The following CDH20 variants were observed in gnomAD, a reference collection of about 807,000 sequenced individuals.
The protein encoded by CDH20 is cadherin-20.
Under a neutral mutation model 74.2 loss-of-function variants are expected in CDH20, and 29 were observed. That is an observed-to-expected ratio of 0.39 (90% CI 0.29 to 0.53). The LOEUF (loss-of-function observed/expected upper bound fraction) is 0.53, where lower values mean the gene tolerates loss of function less well. Among genes scored for constraint, CDH20 ranks in the 20% least tolerant of loss-of-function variants. The pLI, the probability that CDH20 is intolerant of heterozygous loss-of-function variation, is 0.69. For missense variants in CDH20, 988 were observed against 1,048.3 expected (o/e 0.94, Z 0.79); for synonymous variants, 469 against 405.4 (o/e 1.16, Z -1.88).
At chr18:61,333,899 G>C (rs1043350386) in intron 1 of CDH20, 72 bp downstream of exon 1, 1 of 152,276 alleles carries the variant, frequency 6.6e-6, no homozygotes, top group Non-Finnish European at 1.5e-5. Context: ...CCAGCCCTCT[G>C]GGGCGAAATC....
chr18:61,424,293 T>C (rs1234572337), intron 1 of CDH20, among the ~76,000 whole-genome samples: 1 of 152,242 alleles, frequency 6.6e-6, no homozygotes, highest in African/African-American at 2.4e-5. Context: ...ACAGTGAGCA[T>C]TTCACCAGCA....
chr18:61,479,088 T>C (rs989059049), intron 1 of CDH20, among the ~76,000 whole-genome samples: 10 of 152,106 alleles, frequency 6.6e-5, no homozygotes, highest in African/African-American at 2.2e-4. Context: ...TAAAATATCT[T>C]CACTACATCT....
At chr18:61,495,814 A>G (rs1244680948) in intron 2 of CDH20, among the ~76,000 whole-genome samples, 4 of 152,018 alleles carry the variant, frequency 2.6e-5, no homozygotes, top group Non-Finnish European at 5.9e-5. Flanking sequence ...CCTCCACTCC[A>G]AATTCTCCCT....
intron 1 of CDH20, among the ~76,000 whole-genome samples, chr18:61,423,577 T>C (rs1912965851): frequency 1.3e-5 from 2 of 152,108 alleles, no homozygotes; most frequent in African/African-American, 2.4e-5. Flanking sequence ...GAAATTTCTT[T>C]TTTTTTTCTT....
At chr18:61,529,293 C>T (rs1306809806) in intron 7 of CDH20, among the ~76,000 whole-genome samples, 3 of 152,198 alleles carry the variant, frequency 2.0e-5, no homozygotes, top group Non-Finnish European at 4.4e-5. Flanking sequence ...AATGCCTTTT[C>T]CGTCAGCTGG....
chr18:61,406,596 A>G (rs1322756175), intron 1 of CDH20, among the ~76,000 whole-genome samples: 3 of 152,228 alleles, frequency 2.0e-5, no homozygotes, highest in African/African-American at 7.2e-5. Context: ...TGCAAGATAG[A>G]AACAGGATAA....
intron 1 of CDH20, among the ~76,000 whole-genome samples, chr18:61,444,102 G>A (rs563322471): frequency 5.3e-5 from 8 of 152,172 alleles, no homozygotes; most frequent in African/African-American, 1.9e-4. Context: ...TGCATGTCTT[G>A]TACATTCTTA....
intron 6 of CDH20, among the ~76,000 whole-genome samples, chr18:61,525,700 A>G (rs985328233): frequency 6.6e-6 from 1 of 152,236 alleles, no homozygotes; most frequent in Middle Eastern, 3.2e-3. Flanking sequence ...TAACCCAACA[A>G]CAGCAACAAA....
chr18:61,520,788 CA>C (rs1912177582), intron 6 of CDH20, among the ~76,000 whole-genome samples: 1 of 151,246 alleles, frequency 6.6e-6, no homozygotes, highest in Non-Finnish European at 1.5e-5. Context: ...AAAACTCACT[CA>C]AAACACACAC....
At chr18:61,350,525 T>G (rs1910268940) in intron 1 of CDH20, among the ~76,000 whole-genome samples, 1 of 152,140 alleles carries the variant, frequency 6.6e-6, no homozygotes, top group South Asian at 2.1e-4. Flanking sequence ...TATTATTATC[T>G]TCTTGGGAAG....
chr18:61,527,366 AATAG>A (rs10585438), intron 6 of CDH20, among the ~76,000 whole-genome samples: 18,290 of 141,848 alleles, frequency 0.13, 1,312 homozygotes, highest in African/African-American at 0.18. Flanking sequence ...TGAATATTCT[AATAG>A]ATAGATAGAT....
rs1220669471 is a variant in CDH20, at chr18:61,554,572, C to A, written c.2283C>A (p.Ser761Arg). The A allele has an allele frequency of 6.2e-7, 1 of 1,609,638 alleles. No homozygotes were observed. Residue 761 changes from serine to arginine, a missense_variant, in exon 12 of 12, where the codon AGC becomes AGA. By Grantham distance (110) the Ser-to-Arg change is moderately radical. This residue lies in a region of CDH20 where 375 missense variants were observed against 293.1 expected (regional missense o/e 1.28). Coordinates refer to ENST00000262717, the MANE Select transcript of CDH20 (RefSeq NM_031891.4). ...ACGGCTCTGTGGCGGGGTCGCTGAGCTCCCTGCAGTCGGCCACGTCGGACT... is the reference window on the plus strand; with the variant it reads ...ACGGCTCTGTGGCGGGGTCGCTGAGATCCCTGCAGTCGGCCACGTCGGACT... ...EGDGSVAGSLSSLQSATSDSE... is the reference protein window; with the variant it reads ...EGDGSVAGSLRSLQSATSDSE...
chr18:61,412,413 G>A (rs1912544120), intron 1 of CDH20, among the ~76,000 whole-genome samples: 1 of 152,132 alleles, frequency 6.6e-6, no homozygotes, highest in African/African-American at 2.4e-5. Context: ...ACAACAATTT[G>A]GAAATATTCA....
At chr18:61,412,796 T>C (rs925806176) in intron 1 of CDH20, among the ~76,000 whole-genome samples, 3 of 152,198 alleles carry the variant, frequency 2.0e-5, no homozygotes, top group Non-Finnish European at 2.9e-5. Context: ...GGTATACCAA[T>C]TAGAATGAGG....
At chr18:61,389,450 G>A (rs974988766) in intron 1 of CDH20, among the ~76,000 whole-genome samples, 1 of 152,102 alleles carries the variant, frequency 6.6e-6, no homozygotes, top group Non-Finnish European at 1.5e-5. Context: ...GGACAGTTTT[G>A]TATAGGAGAT....
intron 1 of CDH20, among the ~76,000 whole-genome samples, chr18:61,459,065 C>T (rs76170053): frequency 2.0e-5 from 3 of 152,188 alleles, no homozygotes; most frequent in Non-Finnish European, 4.4e-5. Flanking sequence ...AACATTATAT[C>T]TATCAGTCTT....
At chr18:61,442,565 C>A (rs1383289443) in intron 1 of CDH20, among the ~76,000 whole-genome samples, 1 of 151,956 alleles carries the variant, frequency 6.6e-6, no homozygotes, top group Non-Finnish European at 1.5e-5. Context: ...TCATATGGCA[C>A]AGAAGAATAC....
intron 1 of CDH20, among the ~76,000 whole-genome samples, chr18:61,475,787 A>G (rs891023932): frequency 2.0e-5 from 3 of 152,242 alleles, no homozygotes; most frequent in Non-Finnish European, 4.4e-5. Flanking sequence ...CTGAACAGAC[A>G]TAATCCGAAG....
At chr18:61,387,737 C>T (rs1464754327) in intron 1 of CDH20, among the ~76,000 whole-genome samples, 1 of 152,150 alleles carries the variant, frequency 6.6e-6, no homozygotes, top group African/African-American at 2.4e-5. Context: ...AAGAGTTATA[C>T]AGAGACAGAG....
Sources: gnomAD v4.1 joint callset for allele counts (sites outside exome capture counted in the v4.1 genomes callset) on GRCh38, gnomAD v4.1.1 for gene constraint, gnomAD v4.1.1 regional missense constraint, MANE v1.5 for transcripts, NCBI Gene and HGNC (gene_info 2026-07-23, HGNC 2026-07-21) for gene names.